EBF2: variants seen among roughly 807,000 people sequenced by gnomAD.
The protein encoded by EBF2 is EBF transcription factor 2.
A neutral mutation model predicts 72.8 loss-of-function variants in EBF2; 21 were observed. The observed-to-expected ratio is 0.29, with a 90% CI of 0.20 to 0.42. The LOEUF is 0.42. Among genes scored for constraint, EBF2 ranks in the 10% least tolerant of loss-of-function variants. EBF2 has a pLI of 1.00. For missense variants in EBF2, 637 were observed against 731.2 expected, an observed-to-expected ratio of 0.87 and a Z score of 1.49; for synonymous variants, 299 against 274.2, an observed-to-expected ratio of 1.09 and a Z score of -0.89.
intron 13 of EBF2, 130 bp from the exon 14 acceptor site, chr8:25,858,634 G>C (rs917381941): frequency 1.2e-4 from 55 of 467,532 alleles, no homozygotes; most frequent in East Asian, 7.5e-4. Flanking sequence ...TGTAGGAAGT[G>C]TGCAGTCCAT....
rs5890267 is a variant in EBF2 at position 25,912,519 on chromosome 8, G to GA, written c.552-3965dup. 1.4e-4 allele frequency among the ~76,000 whole-genome samples: 20 copies of GA among 147,310 alleles called. No individual in the cohort carries two copies. The East Asian group carries it at 2.4e-3, about 18-fold the overall frequency. On this transcript the variant is annotated intron_variant, in intron 6 of 15. Transcript: ENST00000520164. ...ACACAACAGGAAGAATAAATCAGGA[G>GA]AAAAAAAAAAAGTGAAAGATTCTTG...
At chr8:26,015,037 A>G (rs1478725722) in intron 6 of EBF2, among the ~76,000 whole-genome samples, 1 of 152,200 alleles carries the variant, frequency 6.6e-6, no homozygotes, top group Non-Finnish European at 1.5e-5. Flanking sequence ...ATTGCTGAAC[A>G]GGTGCTGGAA....
chr8:25,893,104 A>T (rs1173254630), intron 7 of EBF2, among the ~76,000 whole-genome samples: 4 of 152,162 alleles, frequency 2.6e-5, no homozygotes, highest in African/African-American at 9.7e-5. Flanking sequence ...ATGAACATGA[A>T]GATTGTATTG....
In EBF2 at chr8:25,844,568, T is replaced by C. The variant is rs756751402; in HGVS notation, c.*41A>G. 3.7e-6 allele frequency: 6 copies of C among 1,611,830 alleles called. No individual in the cohort carries two copies. In the South Asian group the frequency reaches 6.6e-5, roughly 18 times the overall value. ...TAGTGCTTTCTTCATTATTGGTCCA[T>C]CAGAGTAAGTAGTTTTGTGCTATAA... is the stretch of plus-strand genomic sequence containing the variant. On this transcript the variant is annotated 3_prime_UTR_variant, in exon 16 of 16. Transcript: ENST00000520164.
At chr8:25,908,424 G>T (rs1413014183) in intron 7 of EBF2, 50 bp downstream of exon 7, 4 of 1,350,468 alleles carry the variant, frequency 3.0e-6, no homozygotes, top group Non-Finnish European at 4.2e-6. Context: ...GAGAAGGAGA[G>T]AGAAAACAGG....
At chr8:25,907,911 G>A (rs139050156) in intron 7 of EBF2, among the ~76,000 whole-genome samples, 33 of 152,152 alleles carry the variant, frequency 2.2e-4, no homozygotes, top group Non-Finnish European at 3.7e-4. Context: ...TTATTAGCTC[G>A]TCTCCTCAGT....
chr8:25,898,633 C>T (rs576204936), intron 7 of EBF2, among the ~76,000 whole-genome samples: 3 of 152,210 alleles, frequency 2.0e-5, no homozygotes, highest in South Asian at 2.1e-4. Context: ...GGGATGGTTA[C>T]GGTCAAGGGC....
intron 10 of EBF2, among the ~76,000 whole-genome samples, chr8:25,872,821 C>T (rs1304994004): frequency 6.6e-6 from 1 of 152,190 alleles, no homozygotes; most frequent in Non-Finnish European, 1.5e-5. Context: ...TGCCACGTGG[C>T]TTTGGCCAAG....
intron 7 of EBF2, among the ~76,000 whole-genome samples, chr8:25,906,418 C>T (rs571161550): frequency 2.6e-5 from 4 of 152,266 alleles, no homozygotes; most frequent in Non-Finnish European, 5.9e-5. Flanking sequence ...CCACCATGCA[C>T]GAAGTTCCTG....
intron 6 of EBF2, among the ~76,000 whole-genome samples, chr8:25,977,206 G>C (rs761703518): frequency 1.4e-4 from 21 of 152,140 alleles, no homozygotes; most frequent in Admixed American, 3.3e-4. Context: ...TCGGGGTACA[G>C]TGAAGGGCAG....
intron 10 of EBF2, among the ~76,000 whole-genome samples, chr8:25,863,449 G>GTGAA (rs1384063819): frequency 6.6e-6 from 1 of 152,096 alleles, no homozygotes; most frequent in African/African-American, 2.4e-5. Context: ...AAACGAGTGA[G>GTGAA]TGAATGAGTG....
chr8:25,942,850 G>A (rs962967105), intron 6 of EBF2, among the ~76,000 whole-genome samples: 9 of 152,232 alleles, frequency 5.9e-5, no homozygotes, highest in South Asian at 2.1e-4. Context: ...AATTTTCCAC[G>A]CTCTTCTGCT....
At chr8:26,008,501 A>G (rs1804920512) in intron 6 of EBF2, among the ~76,000 whole-genome samples, 1 of 152,124 alleles carries the variant, frequency 6.6e-6, no homozygotes, top group South Asian at 2.1e-4. Context: ...GTTGGAACCC[A>G]AGGACTCCAA....
chr8:25,870,142 G>A (rs1802408519), intron 10 of EBF2, among the ~76,000 whole-genome samples: 1 of 152,148 alleles, frequency 6.6e-6, no homozygotes, highest in Non-Finnish European at 1.5e-5. Context: ...ACTGAGACCA[G>A]AAGGAGACCC....
intron 5 of EBF2, among the ~76,000 whole-genome samples, chr8:26,036,847 T>G (rs1421703857): frequency 1.3e-5 from 2 of 152,002 alleles, no homozygotes; most frequent in African/African-American, 4.8e-5. Flanking sequence ...CAAGCAAGTC[T>G]GAAGTTCCTG....
At chr8:26,008,144 T>C (rs890681346) in intron 6 of EBF2, among the ~76,000 whole-genome samples, 1 of 151,824 alleles carries the variant, frequency 6.6e-6, no homozygotes, top group South Asian at 2.1e-4. Context: ...TGGACTTCAG[T>C]GATACACGGG....
At chr8:25,948,325 T>G (rs1399293734) in intron 6 of EBF2, among the ~76,000 whole-genome samples, 1 of 152,166 alleles carries the variant, frequency 6.6e-6, no homozygotes, top group Non-Finnish European at 1.5e-5. Context: ...CAGGCCTCAT[T>G]TCTCTGGGGA....
intron 6 of EBF2, among the ~76,000 whole-genome samples, chr8:26,017,105 T>C (rs1195256958): frequency 6.6e-6 from 1 of 151,484 alleles, no homozygotes; most frequent in East Asian, 1.9e-4. Context: ...CTAATGCCTG[T>C]ACACTGTATA....
chr8:26,029,502 A>G (rs546950453), intron 6 of EBF2, among the ~76,000 whole-genome samples: 2 of 152,334 alleles, frequency 1.3e-5, no homozygotes, highest in East Asian at 1.9e-4. Flanking sequence ...ACCAAGGAAG[A>G]AGCTTAAGGG....
Sources: gnomAD v4.1 joint callset for allele counts (sites outside exome capture counted in the v4.1 genomes callset) on GRCh38, gnomAD v4.1.1 for gene constraint, MANE v1.5 for transcripts, NCBI Gene and HGNC (gene_info 2026-07-23, HGNC 2026-07-21) for gene names.